CCDC178: variants seen among roughly 807,000 people sequenced by gnomAD.
CCDC178 encodes the protein coiled-coil domain-containing protein 178.
Under a neutral mutation model 117.4 loss-of-function variants are expected in CCDC178, and 126 were observed. The observed-to-expected ratio is 1.07, with a 90% CI of 0.93 to 1.24. The LOEUF (loss-of-function observed/expected upper bound fraction) is 1.24. Among genes scored for constraint, CCDC178 ranks in the 50% most tolerant of loss-of-function variants. The probability of loss-of-function intolerance (pLI) is 0.00; values close to 1 mark genes in which losing one functional copy is unlikely to be tolerated. For synonymous variants in CCDC178, 283 were observed against 313.4 expected, an observed-to-expected ratio of 0.90 and a Z score of 1.02; for missense variants, 1,030 against 986.9, an observed-to-expected ratio of 1.04 and a Z score of -0.59.
intron 12 of CCDC178, among the ~76,000 whole-genome samples, chr18:33,281,820 A>T (rs2060029307): frequency 6.6e-6 from 1 of 152,266 alleles, no homozygotes; most frequent in Non-Finnish European, 1.5e-5. Flanking sequence ...TTTTGCTTAA[A>T]ATGAACAGTT....
intron 21 of CCDC178, among the ~76,000 whole-genome samples, chr18:33,025,016 T>G (rs1037370959): frequency 8.5e-5 from 13 of 152,234 alleles, no homozygotes; most frequent in African/African-American, 3.1e-4. Flanking sequence ...ACAAAAGAAA[T>G]AGTGTTAACT....
chr18:33,243,451 T>A (rs2059511862), intron 15 of CCDC178, among the ~76,000 whole-genome samples: 1 of 151,924 alleles, frequency 6.6e-6, no homozygotes, highest in South Asian at 2.1e-4. Flanking sequence ...GGTATGTTAA[T>A]TACCCTAATC....
chr18:33,416,682 CAAGTA>C (rs933058094), intron 2 of CCDC178, among the ~76,000 whole-genome samples: 38 of 152,250 alleles, frequency 2.5e-4, no homozygotes, highest in African/African-American at 9.1e-4. Context: ...CCCACTCCCA[CAAGTA>C]AAGAAGTACC....
At chr18:33,043,343 T>G (rs1289148680) in intron 21 of CCDC178, among the ~76,000 whole-genome samples, 1 of 152,094 alleles carries the variant, frequency 6.6e-6, no homozygotes, top group Non-Finnish European at 1.5e-5. Context: ...ATATGTTTAT[T>G]CTGACAAACA....
chr18:33,373,059 T>C (rs540580137), intron 5 of CCDC178, among the ~76,000 whole-genome samples: 1 of 152,328 alleles, frequency 6.6e-6, no homozygotes, highest in South Asian at 2.1e-4. Context: ...TTGTCCTCCA[T>C]GCAAAGACTC....
At chr18:33,414,775 G>A (rs1374865482) in intron 2 of CCDC178, among the ~76,000 whole-genome samples, 1 of 152,142 alleles carries the variant, frequency 6.6e-6, no homozygotes, top group East Asian at 1.9e-4. Flanking sequence ...CCTACAGAAT[G>A]GGAGAAAATT....
At chr18:33,155,713 T>G (rs1458721129) in intron 20 of CCDC178, among the ~76,000 whole-genome samples, 6 of 152,142 alleles carry the variant, frequency 3.9e-5, no homozygotes, top group Non-Finnish European at 8.8e-5. Context: ...TATAAGAGCT[T>G]AAAGAGAGGA....
intron 21 of CCDC178, among the ~76,000 whole-genome samples, chr18:33,075,362 G>C (rs749886589): frequency 6.6e-6 from 1 of 152,152 alleles, no homozygotes; most frequent in African/African-American, 2.4e-5. Flanking sequence ...TTTAAAGCTT[G>C]CTAATTAATC....
chr18:32,969,882 A>C (rs1373468356), intron 22 of CCDC178, among the ~76,000 whole-genome samples: 1 of 152,066 alleles, frequency 6.6e-6, no homozygotes, highest in Non-Finnish European at 1.5e-5. Context: ...ACATGCCAAA[A>C]AGGTAATAAA....
At chr18:33,085,320 T>G (rs942785555) in intron 21 of CCDC178, among the ~76,000 whole-genome samples, 3 of 152,186 alleles carry the variant, frequency 2.0e-5, no homozygotes, top group African/African-American at 7.2e-5. Context: ...TCCCGGCACT[T>G]TGGGAGGCCG....
At chr18:33,431,818 A>G (rs2064223367) in intron 2 of CCDC178, among the ~76,000 whole-genome samples, 1 of 152,222 alleles carries the variant, frequency 6.6e-6, no homozygotes, top group Admixed American at 6.5e-5. Context: ...TTTTTATATC[A>G]TAACAAGACT....
chr18:33,039,238 G>A (rs1003445666), intron 21 of CCDC178, among the ~76,000 whole-genome samples: 1 of 151,944 alleles, frequency 6.6e-6, no homozygotes, highest in African/African-American at 2.4e-5. Context: ...AAAGACCAAA[G>A]CATTTCTAAT....
chr18:33,361,385 T>C (rs2063125825), intron 6 of CCDC178, among the ~76,000 whole-genome samples: 5 of 151,520 alleles, frequency 3.3e-5, no homozygotes. Context: ...GCCATAAAAC[T>C]CCTAGAAAAG....
At chr18:33,394,504 G>A (rs145692192) in intron 4 of CCDC178, among the ~76,000 whole-genome samples, 193 of 151,890 alleles carry the variant, frequency 1.3e-3, no homozygotes, top group Non-Finnish European at 2.4e-3. Flanking sequence ...ATTCTTGTAA[G>A]TATGGAAAGC....
intron 20 of CCDC178, among the ~76,000 whole-genome samples, chr18:33,163,989 G>C (rs1378535088): frequency 6.6e-6 from 1 of 151,696 alleles, no homozygotes. Context: ...GCCACACCCT[G>C]CTTCCACTTG....
At chr18:33,065,027 GA>G (rs34459126) in intron 21 of CCDC178, among the ~76,000 whole-genome samples, 14,924 of 125,072 alleles carry the variant, frequency 0.12, 1,062 homozygotes, top group African/African-American at 0.23. Context: ...TGTGGAATTG[GA>G]AAAAAAAAAA....
intron 20 of CCDC178, among the ~76,000 whole-genome samples, chr18:33,151,992 G>A (rs972576868): frequency 5.3e-5 from 8 of 152,184 alleles, no homozygotes; most frequent in Admixed American, 6.5e-5. Flanking sequence ...TCCAAACTAA[G>A]AGTGTGTATC....
chr18:33,149,092 T>C (rs1470796971), intron 20 of CCDC178, among the ~76,000 whole-genome samples: 2 of 152,186 alleles, frequency 1.3e-5, no homozygotes, highest in Admixed American at 1.3e-4. Flanking sequence ...AGGCCTCCTG[T>C]TGGGATGAAG....
At chr18:33,088,357 C>CTA (rs1469976259) in intron 21 of CCDC178, among the ~76,000 whole-genome samples, 2 of 151,552 alleles carry the variant, frequency 1.3e-5, no homozygotes, top group Admixed American at 6.6e-5. Context: ...TGTATTGACT[C>CTA]TATATATCAA....
Sources: gnomAD v4.1 joint callset for allele counts (sites outside exome capture counted in the v4.1 genomes callset) on GRCh38, gnomAD v4.1.1 for gene constraint, MANE v1.5 for transcripts, NCBI Gene and HGNC (gene_info 2026-07-23, HGNC 2026-07-21) for gene names.